NDUFB2: variants seen among roughly 807,000 people sequenced by gnomAD.
The protein encoded by NDUFB2 is NADH:ubiquinone oxidoreductase subunit B2.
NDUFB2 carries 13 observed loss-of-function variants against 13.4 expected under a neutral mutation model. The ratio of observed to expected loss-of-function variants is 0.97; its 90% CI spans 0.63 to 1.54. The LOEUF is 1.54. Ranked by LOEUF, NDUFB2 falls within the 40% of genes most tolerant of loss-of-function variation. NDUFB2 has a pLI of 0.00. For synonymous variants in NDUFB2, 47 were observed against 50.6 expected (o/e 0.93, Z 0.30); for missense variants, 150 against 139.7 (o/e 1.07, Z -0.37).
chr7:140,702,711 AAGT>A (rs1794913347), intron 1 of NDUFB2, 152 bp from the exon 2 acceptor site: 1 of 878,548 alleles, frequency 1.1e-6, no homozygotes, highest in Non-Finnish European at 1.7e-6. Flanking sequence ...GCTTAGTAAA[AAGT>A]GAGTATTTCA....
chr7:140,703,083 T>G, intron 2 of NDUFB2, 73 bp downstream of exon 2: 1 of 1,576,952 alleles, frequency 6.3e-7, no homozygotes, highest in Non-Finnish European at 8.7e-7. Flanking sequence ...TTGTTTATTT[T>G]TCTGTTGTAG....
intron 1 of NDUFB2, among the ~76,000 whole-genome samples, chr7:140,699,999 A>G (rs898103780): frequency 6.6e-6 from 1 of 151,714 alleles, no homozygotes; most frequent in Non-Finnish European, 1.5e-5. Flanking sequence ...TTGTTCCAAA[A>G]GGTTTCCATT....
intron 1 of NDUFB2, among the ~76,000 whole-genome samples, chr7:140,702,310 A>G (rs1472015811): frequency 6.6e-6 from 1 of 152,222 alleles, no homozygotes; most frequent in Non-Finnish European, 1.5e-5. Flanking sequence ...ACTCTGTGCC[A>G]CAACTTGTCA....
At position 140,696,819 on chromosome 7, in the gene NDUFB2, T is replaced by C; in HGVS notation, c.75T>C (p.Thr25=). ...GRLFRSGCAR[T]AGDGGVRHAG... ...TTTTCAGAAGCGGCTGCGCACGGAC[T>C]GCTGGAGATGGTGGAGTCCGTCAGT... is the stretch of plus-strand genomic sequence containing the variant. The change falls in exon 1 of 4, where the codon ACT becomes ACC. Residue 25 remains threonine, a synonymous_variant. Coordinates refer to ENST00000247866, the MANE Select transcript of NDUFB2 (RefSeq NM_004546.3). 1 of 1,608,954 alleles carries C rather than the reference T, an allele frequency of 6.2e-7. No individual in the cohort carries two copies. The highest frequency in any genetic ancestry group is 8.5e-7 in the Non-Finnish European group (1 of 1,177,976).
intron 1 of NDUFB2, chr7:140,700,914 G>A (rs902588706): frequency 6.6e-6 from 1 of 152,106 alleles, no homozygotes; most frequent in Non-Finnish European, 1.5e-5. Flanking sequence ...AGGACATTAC[G>A]GAAACAGTAT....
chr7:140,702,073 C>T, intron 1 of NDUFB2: 1 of 701,634 alleles, frequency 1.4e-6, no homozygotes. Flanking sequence ...TTCTGTGCTA[C>T]ATAAAAGAGA....
rs548155181 is a variant in NDUFB2, at chr7:140,702,775, G to A, written c.99-91G>A. The stretch of plus-strand genomic sequence containing the variant: ...TTCAGTGGAGATGAGAAACATTAGC[G>A]TTGGTTCTAGGATGTAACTCAGAGG... On this transcript the variant is annotated intron_variant, in intron 1 of 3. Coordinates refer to ENST00000247866, the MANE Select transcript of NDUFB2 (RefSeq NM_004546.3). 239 of 1,408,846 alleles carry A rather than the reference G, an allele frequency of 1.7e-4. No homozygotes were observed. The African/African-American group carries it at 2.7e-3, about 16-fold the overall frequency. 87.3% of individuals were successfully genotyped at this position (1,408,846 alleles called of 1,614,324 possible).
At chr7:140,705,101 C>CT (rs878932531) in intron 3 of NDUFB2, 138 bp downstream of exon 3, 18,591 of 340,478 alleles carry the variant, frequency 0.055, 7 homozygotes, top group Middle Eastern at 0.069. Context: ...CCTGTATCTG[C>CT]TTTTTTTTTT....
intron 3 of NDUFB2, chr7:140,706,306 G>A (rs928645981): frequency 6.6e-6 from 1 of 151,956 alleles, no homozygotes; most frequent in African/African-American, 2.4e-5. Context: ...TCAAATTCTT[G>A]GACTCAAGTG....
In NDUFB2 at chr7:140,704,888, A is replaced by T; in HGVS notation, c.272A>T (p.Gln91Leu). 6.2e-7 allele frequency: 1 copy of T among 1,603,816 alleles called. No individual in the cohort carries two copies. Among genetic ancestry groups the T allele is most frequent in the Non-Finnish European group, 8.5e-7 (1 of 1,175,818 alleles). The change falls in exon 3 of 4, where the codon CAG becomes CTG. Residue 91 changes from glutamine to leucine, a missense_variant. By Grantham distance (113) the Gln-to-Leu change is moderately radical. Transcript: ENST00000247866. ...LGHFPYPDPS[Q>L]WTDEELGIPP... is the part of the protein sequence containing the mutation. ...CACTTTCCGTATCCTGATCCTTCCC[A>T]GTGGACAGATGAAGAATTAGGTATC...
intron 3 of NDUFB2, chr7:140,706,312 A>G (rs1258825741): frequency 6.6e-6 from 1 of 152,050 alleles, no homozygotes; most frequent in Non-Finnish European, 1.5e-5. Context: ...TCTTGGACTC[A>G]AGTGATCCAC....
intron 1 of NDUFB2, chr7:140,701,790 G>T: frequency 3.1e-6 from 1 of 323,732 alleles, no homozygotes; most frequent in African/African-American, 2.2e-5. Flanking sequence ...ACAAAAATTA[G>T]CTGGGCATGG....
chr7:140,703,144 A>G (rs1794919787), intron 2 of NDUFB2, 134 bp downstream of exon 2: 1 of 1,019,492 alleles, frequency 9.8e-7, no homozygotes, highest in Middle Eastern at 2.4e-4. Context: ...TTCCATATGT[A>G]TATACAAGAA....
intron 1 of NDUFB2, 75 bp downstream of exon 1, chr7:140,696,917 T>C (rs1015213670): frequency 7.2e-7 from 1 of 1,384,594 alleles, no homozygotes; most frequent in Non-Finnish European, 1.0e-6. Flanking sequence ...GCTCTCACCT[T>C]GACTGGGGCG....
rs1482677211 is a variant in NDUFB2 at position 140,702,701 on chromosome 7, G to A, written c.99-165G>A. On this transcript the variant is annotated intron_variant, in intron 1 of 3. Transcript: ENST00000247866. ...GTTTTTGCTGCTACACATGAAGCAA[G>A]CTTAGTAAAAAGTGAGTATTTCAAG... is the stretch of plus-strand genomic sequence containing the variant. 28 of 820,780 alleles carry A rather than the reference G, an allele frequency of 3.4e-5. No individual in the cohort carries two copies. The East Asian group carries it at 7.1e-4, about 21-fold the overall frequency. 50.8% of individuals were successfully genotyped at this position (820,780 alleles called of 1,614,324 possible). A position where few individuals can be genotyped will look rare whatever the true frequency, so the allele number is the denominator to read the frequency against.
At chr7:140,699,334 A>G (rs1305045158) in intron 1 of NDUFB2, among the ~76,000 whole-genome samples, 2 of 151,210 alleles carry the variant, frequency 1.3e-5, no homozygotes, top group African/African-American at 4.9e-5. Context: ...ATGTTTTTTG[A>G]TCTTGAGCTT....
chr7:140,702,628 A>G (rs1400158622), intron 1 of NDUFB2: 22 of 449,864 alleles, frequency 4.9e-5, no homozygotes, highest in Middle Eastern at 5.6e-4. Context: ...AAAATAATGA[A>G]TCTTCACTAA....
chr7:140,702,127 C>T (rs1453701384), intron 1 of NDUFB2: 2 of 673,008 alleles, frequency 3.0e-6, no homozygotes, highest in South Asian at 1.6e-5. Flanking sequence ...AATTGGTAAA[C>T]ATATTTTATA....
chr7:140,700,787 CAA>C (rs34168286), intron 1 of NDUFB2: 4 of 116,518 alleles, frequency 3.4e-5, no homozygotes, highest in South Asian at 2.7e-4. Context: ...GACTCCGTCT[CAA>C]AAAAAAAAAA....
Sources: allele counts gnomAD v4.1 joint callset (sites outside exome capture counted in the v4.1 genomes callset), GRCh38; gene constraint gnomAD v4.1.1; transcripts MANE v1.5; gene names NCBI Gene and HGNC (gene_info 2026-07-23, HGNC 2026-07-21).